AHI1: variants seen among roughly 807,000 people sequenced by gnomAD.
The protein encoded by AHI1 is Abelson helper integration site 1.
A neutral mutation model predicts 149.3 loss-of-function variants in AHI1; 123 were observed. The ratio of observed to expected loss-of-function variants is 0.82; its 90% CI spans 0.71 to 0.96. The LOEUF is 0.96. Ranked by LOEUF, AHI1 falls within the 40% of genes least tolerant of loss-of-function variation. The probability of loss-of-function intolerance (pLI) is 0.00; values close to 1 mark genes in which losing one functional copy is unlikely to be tolerated. For synonymous variants in AHI1, 475 were observed against 459.8 expected, an observed-to-expected ratio of 1.03 and a Z score of -0.42; for missense variants, 1,439 against 1,422.7, an observed-to-expected ratio of 1.01 and a Z score of -0.18.
intron 13 of AHI1, among the ~76,000 whole-genome samples, chr6:135,444,143 T>C (rs1340775769): frequency 3.3e-5 from 5 of 152,224 alleles, no homozygotes; most frequent in Admixed American, 6.5e-5. Context: ...CACTAAATCA[T>C]GCTGGTTCCT....
chr6:135,428,715 T>A lies in AHI1; in HGVS notation c.2537A>T (p.Lys846Met). Residue 846 changes from lysine (K) to methionine (M), a missense_variant, in exon 19 of 29, where the codon AAG becomes ATG. Coordinates refer to ENST00000265602, the MANE Select transcript of AHI1 (RefSeq NM_001134831.2). ...ACATGGAGTCAAAGTACTATGAATC[T>A]TCTCCCGATAATTTGCTGCTCCTAC... ...KFVGAANYREKIHSTLTPCGT... is the reference protein window; with the variant it reads ...KFVGAANYREMIHSTLTPCGT... The A allele has an allele frequency of 6.2e-7, 1 of 1,607,598 alleles. No homozygotes were observed.
At chr6:135,326,008 C>A (rs1787618550) in intron 24 of AHI1, among the ~76,000 whole-genome samples, 1 of 152,102 alleles carries the variant, frequency 6.6e-6, no homozygotes, top group African/African-American at 2.4e-5. Context: ...CACAGGGGTC[C>A]AAAAAGCCTA....
chr6:135,473,508 T>A (rs1056323292), intron 5 of AHI1, among the ~76,000 whole-genome samples: 4 of 152,214 alleles, frequency 2.6e-5, no homozygotes, highest in African/African-American at 4.8e-5. Context: ...CATATCTAAC[T>A]GTAATTGCTG....
At position 135,452,967 on chromosome 6, in the gene AHI1, G is replaced by A. The variant is rs150283839; in HGVS notation, c.1440+374C>T. Among the ~76,000 whole-genome samples, 774 of 152,222 alleles carry A rather than the reference G, an allele frequency of 5.1e-3. 3 individuals are homozygous for A. The highest frequency in any genetic ancestry group is 0.017 in the African/African-American group (707 of 41,544). On this transcript the variant is annotated intron_variant, in intron 11 of 28. Coordinates refer to ENST00000265602, the MANE Select transcript of AHI1 (RefSeq NM_001134831.2). Reference sequence around the variant, plus strand: ...TAAATGATAAATTGTGAAATCAATTGTTTTATGTTTGTGTTGCTGGAATAT... The same window carrying A: ...TAAATGATAAATTGTGAAATCAATTATTTTATGTTTGTGTTGCTGGAATAT...
chr6:135,365,965 T>C (rs1451040539), intron 23 of AHI1, among the ~76,000 whole-genome samples: 3 of 152,230 alleles, frequency 2.0e-5, no homozygotes, highest in African/African-American at 7.2e-5. Context: ...ATGGCTCTTA[T>C]TACCTTAAGG....
At chr6:135,411,266 A>T in intron 21 of AHI1, 82 bp downstream of exon 21, 1 of 1,321,134 alleles carries the variant, frequency 7.6e-7, no homozygotes, top group Non-Finnish European at 1.1e-6. Context: ...AACTTACTTC[A>T]TTAAATGAAT....
At chr6:135,319,212 CGGT>C (rs1786436195) in intron 25 of AHI1, among the ~76,000 whole-genome samples, 1 of 152,124 alleles carries the variant, frequency 6.6e-6, no homozygotes, top group Non-Finnish European at 1.5e-5. Context: ...GGGCAGGGCG[CGGT>C]GGCTCATGCC....
At chr6:135,481,897 A>G (rs1793711118) in intron 5 of AHI1, among the ~76,000 whole-genome samples, 2 of 150,632 alleles carry the variant, frequency 1.3e-5, no homozygotes, top group African/African-American at 4.9e-5. Context: ...TCAGTATTTT[A>G]AAATATTGTT....
chr6:135,451,842 C>CTTTT (rs796268276), intron 11 of AHI1, among the ~76,000 whole-genome samples: 2 of 142,796 alleles, frequency 1.4e-5, no homozygotes, highest in African/African-American at 5.1e-5. Flanking sequence ...GAGTTTTTTG[C>CTTTT]TTTTTTTTTT....
chr6:135,455,489 T>C (rs1788788159), intron 10 of AHI1, among the ~76,000 whole-genome samples: 1 of 152,206 alleles, frequency 6.6e-6, no homozygotes, highest in Non-Finnish European at 1.5e-5. Context: ...CACAGAGCTG[T>C]TGTAATTATT....
chr6:135,321,948 C>T (rs1351844494), intron 25 of AHI1, among the ~76,000 whole-genome samples: 1 of 152,066 alleles, frequency 6.6e-6, no homozygotes, highest in Admixed American at 6.5e-5. Flanking sequence ...ATTATAGGTG[C>T]CCACCACCAC....
At chr6:135,332,770 T>C (rs562396125) in intron 24 of AHI1, among the ~76,000 whole-genome samples, 2 of 152,344 alleles carry the variant, frequency 1.3e-5, no homozygotes, top group South Asian at 2.1e-4. Context: ...CTGTTTTCCT[T>C]TTCCTGATAT....
At chr6:135,287,613 C>T (rs935821789) in intron 28 of AHI1, among the ~76,000 whole-genome samples, 1 of 152,180 alleles carries the variant, frequency 6.6e-6, no homozygotes, top group Non-Finnish European at 1.5e-5. Context: ...CAAAGCCATT[C>T]CTTCTCTATC....
At chr6:135,333,519 T>A (rs1000701995) in intron 24 of AHI1, among the ~76,000 whole-genome samples, 1 of 152,178 alleles carries the variant, frequency 6.6e-6, no homozygotes, top group Non-Finnish European at 1.5e-5. Flanking sequence ...ATCTGGATAA[T>A]AATAGATTAA....
chr6:135,426,101 G>A (rs902709880), intron 20 of AHI1, among the ~76,000 whole-genome samples: 1 of 151,730 alleles, frequency 6.6e-6, no homozygotes, highest in African/African-American at 2.4e-5. Flanking sequence ...GATACATGGT[G>A]AAACTAGACA....
rs1206549530 is a variant in AHI1 at position 135,300,412 on chromosome 6, T to C, written c.3485+88A>G. On this transcript the variant is annotated intron_variant, in intron 27 of 28. Coordinates refer to ENST00000265602, the MANE Select transcript of AHI1 (RefSeq NM_001134831.2). ...TGAAATTTAACTTATAGTTTGATAA[T>C]GTTATAAAAATAAGAAATGGAGAAA... 3.1e-6 allele frequency: 4 copies of C among 1,281,360 alleles called. No individual in the cohort carries two copies. In the African/African-American group the frequency reaches 6.3e-5, roughly 20 times the overall value. 79.4% of individuals were successfully genotyped at this position (1,281,360 alleles called of 1,614,324 possible).
intron 23 of AHI1, among the ~76,000 whole-genome samples, chr6:135,367,998 C>A (rs986144405): frequency 3.3e-5 from 5 of 152,128 alleles, no homozygotes; most frequent in East Asian, 1.9e-4. Context: ...AGGGGAAGAT[C>A]TGTGGCTCAA....
chr6:135,386,110 G>A (rs1777540033), intron 23 of AHI1, among the ~76,000 whole-genome samples: 1 of 152,176 alleles, frequency 6.6e-6, no homozygotes. Flanking sequence ...ACTATAAGCA[G>A]TTCAGAAGCT....
At chr6:135,414,563 CAAAG>C (rs1238490056) in intron 20 of AHI1, among the ~76,000 whole-genome samples, 2 of 151,858 alleles carry the variant, frequency 1.3e-5, no homozygotes, top group Admixed American at 1.3e-4. Context: ...ACACAAAACA[CAAAG>C]AAATCTCAAA....
Sources: allele counts gnomAD v4.1 joint callset (sites outside exome capture counted in the v4.1 genomes callset), GRCh38; gene constraint gnomAD v4.1.1; transcripts MANE v1.5; gene names NCBI Gene and HGNC (gene_info 2026-07-23, HGNC 2026-07-21).